The following PTBP2 variants were observed in gnomAD, a reference collection of about 807,000 sequenced individuals.
PTBP2 encodes the protein polypyrimidine tract binding protein 2.
In PTBP2, 13 loss-of-function variants were observed where a neutral mutation model predicts 61.4. The ratio of observed to expected loss-of-function variants is 0.21; its 90% CI spans 0.14 to 0.34. The LOEUF (loss-of-function observed/expected upper bound fraction) is 0.34, where lower values mean the gene tolerates loss of function less well. PTBP2 is among the 10% of genes least tolerant of loss of function. PTBP2 has a pLI of 1.00. For missense variants in PTBP2, 405 were observed against 642.6 expected (o/e 0.63, Z 4.00); for synonymous variants, 215 against 218.5 (o/e 0.98, Z 0.14).
chr1:96,745,238 C>A (rs988907461), intron 2 of PTBP2, among the ~76,000 whole-genome samples: 1 of 151,894 alleles, frequency 6.6e-6, no homozygotes, highest in Non-Finnish European at 1.5e-5. Flanking sequence ...TCTCGGCTCA[C>A]AGCAAGCTTC....
In PTBP2 at chr1:96,776,395, TAGTA is replaced by T. The variant is rs550127433; in HGVS notation, c.433-1186_433-1183del. On this transcript the variant is annotated intron_variant, in intron 5 of 13. Coordinates refer to ENST00000674951, the MANE Select transcript of PTBP2 (RefSeq NM_021190.4). ...ACATTTCAAAATGTTGAGTTTTAATTAGTAAGTCATTTTGACTAATACATAAATT... is the reference window on the plus strand; with the variant it reads ...ACATTTCAAAATGTTGAGTTTTAATTAGTCATTTTGACTAATACATAAATT... 4.4e-3 allele frequency among the ~76,000 whole-genome samples: 665 copies of T among 152,128 alleles called. 4 individuals are homozygous for T. The Middle Eastern group carries it at 0.058, about 13-fold the overall frequency.
chr1:96,778,873 A>G (rs1306808133), intron 7 of PTBP2, among the ~76,000 whole-genome samples: 1 of 152,054 alleles, frequency 6.6e-6, no homozygotes, highest in Non-Finnish European at 1.5e-5. Flanking sequence ...TTTGGGAGCA[A>G]AATTAGTTGT....
chr1:96,809,682 A>T (rs1462296798), intron 11 of PTBP2, among the ~76,000 whole-genome samples: 2 of 151,924 alleles, frequency 1.3e-5, no homozygotes, highest in Admixed American at 6.6e-5. Flanking sequence ...CGGCTAATTT[A>T]TTATTATTAT....
At chr1:96,771,091 TTATCAGG>T (rs1178827786) in intron 5 of PTBP2, 3 of 324,914 alleles carry the variant, frequency 9.2e-6, no homozygotes, top group Non-Finnish European at 1.7e-5. Flanking sequence ...GTGTAGAAAC[TTATCAGG>T]TAGGATTTAT....
chr1:96,739,952 A>G (rs1317368666), intron 2 of PTBP2, among the ~76,000 whole-genome samples: 1 of 152,036 alleles, frequency 6.6e-6, no homozygotes, highest in African/African-American at 2.4e-5. Context: ...CACTTACTTG[A>G]TGCTCAAAGG....
chr1:96,733,315 C>T lies in PTBP2; in HGVS notation c.39+9721C>T, dbSNP rs116079723. 4.9e-3 allele frequency among the ~76,000 whole-genome samples: 748 copies of T among 152,264 alleles called. 4 individuals carry two copies. Among genetic ancestry groups the T allele is most frequent in the African/African-American group, 0.018 (728 of 41,542 alleles). Reference sequence around the variant, plus strand: ...CTTGTGATTACAATGGGCCCAACTACATAATAGAGGATAAATGTTTAAATT... The same window carrying T: ...CTTGTGATTACAATGGGCCCAACTATATAATAGAGGATAAATGTTTAAATT... On this transcript the variant is annotated intron_variant, in intron 2 of 13. Coordinates refer to ENST00000674951, the MANE Select transcript of PTBP2 (RefSeq NM_021190.4).
intron 2 of PTBP2, among the ~76,000 whole-genome samples, chr1:96,742,205 C>T (rs960396812): frequency 6.6e-6 from 1 of 152,124 alleles, no homozygotes; most frequent in Non-Finnish European, 1.5e-5. Flanking sequence ...AGAACTATAA[C>T]ATTTCTTTGA....
chr1:96,762,874 GC>G (rs1431778358), intron 3 of PTBP2, among the ~76,000 whole-genome samples: 1 of 151,428 alleles, frequency 6.6e-6, no homozygotes, highest in Admixed American at 6.6e-5. Flanking sequence ...GGGCGGCCGG[GC>G]CGAGACGCTC....
intron 3 of PTBP2, among the ~76,000 whole-genome samples, chr1:96,763,411 A>C (rs1029530729): frequency 1.3e-5 from 2 of 151,906 alleles, no homozygotes; most frequent in African/African-American, 2.4e-5. Flanking sequence ...CCCCGTCTCC[A>C]CCAAAAAAAT....
chr1:96,750,273 C>T (rs1654370604), intron 2 of PTBP2, among the ~76,000 whole-genome samples: 1 of 152,040 alleles, frequency 6.6e-6, no homozygotes, highest in Non-Finnish European at 1.5e-5. Flanking sequence ...TTCTGCTCAT[C>T]ATGTTCTTAT....
At chr1:96,754,712 GA>G (rs1193371073) in intron 3 of PTBP2, among the ~76,000 whole-genome samples, 1 of 152,098 alleles carries the variant, frequency 6.6e-6, no homozygotes, top group Admixed American at 6.6e-5. Context: ...CACAATTATG[GA>G]TAACTGATTT....
intron 11 of PTBP2, among the ~76,000 whole-genome samples, chr1:96,812,107 T>A (rs1018130441): frequency 3.3e-5 from 5 of 152,212 alleles, no homozygotes; most frequent in Admixed American, 2.0e-4. Flanking sequence ...ATACTCAACC[T>A]GTACAGACTG....
Position 96,760,739 on chromosome 1 carries a change from CT to C in PTBP2, c.116-8963del. Among the ~76,000 whole-genome samples, 2 of 152,158 alleles carry C rather than the reference CT, an allele frequency of 1.3e-5. 1 individual carries two copies. Among genetic ancestry groups the C allele is most frequent in the Non-Finnish European group, 2.9e-5 (2 of 68,040 alleles). ...GGATTACAGGCCTGAGCCACTGCGT[CT>C]GACCTAGTTTACTATTTTCTTACGG... On this transcript the variant is annotated intron_variant, in intron 3 of 13. Transcript: ENST00000674951.
intron 8 of PTBP2, among the ~76,000 whole-genome samples, chr1:96,786,124 C>G (rs1366856686): frequency 1.3e-5 from 2 of 151,962 alleles, no homozygotes; most frequent in African/African-American, 4.8e-5. Context: ...TAGTTTATGT[C>G]TGTCATTTCA....
chr1:96,808,826 C>G (rs566978030), intron 11 of PTBP2, among the ~76,000 whole-genome samples: 11 of 151,302 alleles, frequency 7.3e-5, no homozygotes, highest in African/African-American at 2.7e-4. Context: ...CACACACACA[C>G]GCATACACTC....
intron 5 of PTBP2, 71 bp from the exon 6 acceptor site, chr1:96,777,514 G>C: frequency 7.5e-7 from 1 of 1,331,386 alleles, no homozygotes; most frequent in South Asian, 1.6e-5. Context: ...AAGTGAACTA[G>C]TAGTGTAACA....
intron 8 of PTBP2, among the ~76,000 whole-genome samples, chr1:96,797,968 C>T (rs1239385140): frequency 1.3e-5 from 2 of 151,300 alleles, no homozygotes; most frequent in Non-Finnish European, 2.9e-5. Flanking sequence ...CCCAGCTACT[C>T]GGGAGGCTGA....
intron 2 of PTBP2, among the ~76,000 whole-genome samples, chr1:96,735,324 G>C (rs1431280035): frequency 6.6e-6 from 1 of 152,128 alleles, no homozygotes; most frequent in African/African-American, 2.4e-5. Context: ...ATGTAAGTTG[G>C]AACTATTGAT....
intron 3 of PTBP2, among the ~76,000 whole-genome samples, chr1:96,759,037 T>C (rs1342684132): frequency 6.6e-6 from 1 of 152,156 alleles, no homozygotes; most frequent in East Asian, 1.9e-4. Flanking sequence ...TTAAAAAATC[T>C]GTTTATAAAA....
Sources: gnomAD v4.1 joint callset for allele counts (sites outside exome capture counted in the v4.1 genomes callset) on GRCh38, gnomAD v4.1.1 for gene constraint, MANE v1.5 for transcripts, NCBI Gene and HGNC (gene_info 2026-07-23, HGNC 2026-07-21) for gene names.